SETD2: variants seen among roughly 807,000 people sequenced by gnomAD.
SETD2 encodes the protein SET domain containing 2, histone lysine methyltransferase.
SETD2 carries 31 observed loss-of-function variants against 242.1 expected under a neutral mutation model. That is an observed-to-expected ratio of 0.13 (90% CI 0.10 to 0.17). SETD2 has a LOEUF of 0.17. Among genes scored for constraint, SETD2 ranks in the 10% least tolerant of loss-of-function variants. SETD2 has a pLI of 1.00. For synonymous variants in SETD2, 1,006 were observed against 1,066.5 expected (o/e 0.94, Z 1.11); for missense variants, 2,481 against 3,046.3 (o/e 0.81, Z 4.37).
At position 47,052,734 on chromosome 3, in the gene SETD2, C is replaced by T. The variant is rs571493112; in HGVS notation, c.6963+4087G>A. ...TAGTGAGGCTGAGGCAGGAGAATCT[C>T]GAACCTGGGAGGCAGAGGTTGCAAT... On this transcript the variant is annotated intron_variant, in intron 15 of 20. Coordinates refer to ENST00000409792, the MANE Select transcript of SETD2 (RefSeq NM_014159.7). Among the ~76,000 whole-genome samples, 194 of 151,876 alleles carry T rather than the reference C, an allele frequency of 1.3e-3. 5 individuals carry two copies. In the South Asian group the frequency reaches 0.039, roughly 31 times the overall value.
chr3:47,108,837 C>T (rs1262434520), intron 5 of SETD2, among the ~76,000 whole-genome samples: 1 of 152,126 alleles, frequency 6.6e-6, no homozygotes. Flanking sequence ...ATCATGCAGT[C>T]CTTAAAACTC....
rs914740277 is a variant in SETD2, at chr3:47,062,346, G to C, written c.6110C>G (p.Thr2037Arg). The C allele has an allele frequency of 6.3e-7, 1 of 1,578,334 alleles. No homozygotes were observed. The highest frequency in any genetic ancestry group is 8.6e-7 in the Non-Finnish European group (1 of 1,167,336). ...KKSQTEKENT[T>R]TERGRDAVGF... Reference sequence around the variant, plus strand: ...AACAGCATCCCTTCCTCGTTCAGTTGCTAAGGGAAAAGGGTGGTTTGTTTG... The same window carrying C: ...AACAGCATCCCTTCCTCGTTCAGTTCCTAAGGGAAAAGGGTGGTTTGTTTG... Residue 2037 changes from threonine to arginine, a missense_variant and splice_region_variant, in exon 14 of 21, where the codon ACA becomes AGA. Thr to Arg is a moderately conservative substitution (Grantham distance 71, BLOSUM62 -1). Around this residue, in one of 17 missense-constraint regions of SETD2, gnomAD observed 80 missense variants for 102.6 expected, o/e 0.78. Coordinates refer to ENST00000409792, the MANE Select transcript of SETD2 (RefSeq NM_014159.7).
intron 1 of SETD2, among the ~76,000 whole-genome samples, chr3:47,127,959 T>G (rs2043382641): frequency 6.6e-6 from 1 of 151,850 alleles, no homozygotes; most frequent in African/African-American, 2.4e-5. Flanking sequence ...TGCACTCCAG[T>G]CTGAGCAACT....
At chr3:47,079,080 AT>A (rs750127814) in intron 12 of SETD2, among the ~76,000 whole-genome samples, 1 of 152,124 alleles carries the variant, frequency 6.6e-6, no homozygotes, top group Non-Finnish European at 1.5e-5. Flanking sequence ...GTTTAGAGGA[AT>A]TTTTCACTGA....
intron 12 of SETD2, among the ~76,000 whole-genome samples, chr3:47,072,668 G>A (rs540588309): frequency 4.3e-4 from 65 of 152,058 alleles, no homozygotes; most frequent in Admixed American, 2.1e-3. Context: ...AATTAGGACC[G>A]GGCACGGTGA....
intron 8 of SETD2, among the ~76,000 whole-genome samples, chr3:47,101,009 CAAAAAAAA>C (rs1164475680): frequency 1.3e-4 from 3 of 23,100 alleles, no homozygotes; most frequent in Admixed American, 5.0e-4. Context: ...GAGTCCATCT[CAAAAAAAA>C]AAAAAAAAAA....
chr3:47,146,693 C>G (rs1367644512), intron 1 of SETD2, among the ~76,000 whole-genome samples: 3 of 151,286 alleles, frequency 2.0e-5, no homozygotes, highest in Non-Finnish European at 4.4e-5. Flanking sequence ...TCCCAGCATT[C>G]TAAGAGGCCA....
At chr3:47,028,543 A>G (rs576531950) in intron 18 of SETD2, among the ~76,000 whole-genome samples, 8 of 152,322 alleles carry the variant, frequency 5.3e-5, no homozygotes, top group Non-Finnish European at 1.2e-4. Context: ...CAGCCTCTAA[A>G]AAATCAAGGT....
intron 6 of SETD2, among the ~76,000 whole-genome samples, chr3:47,105,308 A>C (rs955713156): frequency 1.3e-5 from 2 of 150,786 alleles, no homozygotes; most frequent in Non-Finnish European, 3.0e-5. Context: ...TACTCAGAAG[A>C]CTGAGGCACA....
At chr3:47,127,980 CTG>C (rs2043383181) in intron 1 of SETD2, among the ~76,000 whole-genome samples, 1 of 129,636 alleles carries the variant, frequency 7.7e-6, no homozygotes, top group African/African-American at 3.2e-5. Flanking sequence ...GAGTGAAAAC[CTG>C]TCTCTCTCTC....
chr3:47,122,068 G>A lies in SETD2; in HGVS notation c.2568C>T (p.Ile856=), dbSNP rs775705122. 18 of 1,613,672 alleles carry A rather than the reference G, an allele frequency of 1.1e-5. No homozygotes were observed. The highest frequency in any genetic ancestry group is 2.7e-5 in the African/African-American group (2 of 74,920). Residue 856 remains isoleucine (I), a synonymous_variant, in exon 3 of 21, where the codon ATC becomes ATT. Coordinates refer to ENST00000409792, the MANE Select transcript of SETD2 (RefSeq NM_014159.7). Reference sequence around the variant, plus strand: ...TAACAGAAGCTGAACTAGTGCTACCGATGCTCTGCTTATATTCTTCACATG... The same window carrying A: ...TAACAGAAGCTGAACTAGTGCTACCAATGCTCTGCTTATATTCTTCACATG... ...KFACEEYKQS[I]GSTSSASVNH... is the part of the protein sequence containing the mutation.
intron 10 of SETD2, among the ~76,000 whole-genome samples, chr3:47,087,333 A>C (rs1477361475): frequency 6.6e-6 from 1 of 152,138 alleles, no homozygotes; most frequent in Non-Finnish European, 1.5e-5. Flanking sequence ...ATTTTTCAAC[A>C]AACTGGGTGG....
At chr3:47,053,296 C>A (rs1272863335) in intron 15 of SETD2, among the ~76,000 whole-genome samples, 1 of 152,116 alleles carries the variant, frequency 6.6e-6, no homozygotes, top group Non-Finnish European at 1.5e-5. Flanking sequence ...AATAAAAAAT[C>A]ATTATTACTT....
intron 6 of SETD2, chr3:47,105,639 C>T: frequency 4.5e-6 from 2 of 440,406 alleles, no homozygotes; most frequent in South Asian, 3.2e-5. Flanking sequence ...TTTTAGAAAT[C>T]AGTCGGCAGG....
chr3:47,150,058 T>A (rs2043949426), intron 1 of SETD2, among the ~76,000 whole-genome samples: 1 of 95,886 alleles, frequency 1.0e-5, no homozygotes, highest in African/African-American at 4.2e-5. Context: ...TGAGACAGAG[T>A]CTCGCTCTGT....
intron 1 of SETD2, among the ~76,000 whole-genome samples, chr3:47,154,084 T>C (rs1425372369): frequency 6.6e-6 from 1 of 152,134 alleles, no homozygotes. Flanking sequence ...GGTACATCCA[T>C]ACTACAGAAT....
chr3:47,134,275 G>C (rs2043545030), intron 1 of SETD2, among the ~76,000 whole-genome samples: 2 of 152,208 alleles, frequency 1.3e-5, no homozygotes, highest in South Asian at 4.1e-4. Context: ...GAACGAATGA[G>C]TTAAAGTCAT....
intron 1 of SETD2, among the ~76,000 whole-genome samples, chr3:47,134,224 A>G (rs922715416): frequency 3.9e-5 from 6 of 152,350 alleles, no homozygotes; most frequent in African/African-American, 1.4e-4. Context: ...GCTTCCCAGC[A>G]AGTACAGGTG....
intron 12 of SETD2, among the ~76,000 whole-genome samples, chr3:47,075,178 G>C (rs897506461): frequency 6.6e-6 from 1 of 150,834 alleles, no homozygotes; most frequent in Non-Finnish European, 1.5e-5. Flanking sequence ...AGGAAAAAAA[G>C]ATACTTGAAC....
Sources: gnomAD v4.1 joint callset for allele counts (sites outside exome capture counted in the v4.1 genomes callset) on GRCh38, gnomAD v4.1.1 for gene constraint, gnomAD v4.1.1 regional missense constraint, MANE v1.5 for transcripts, NCBI Gene and HGNC (gene_info 2026-07-23, HGNC 2026-07-21) for gene names.